The following COLEC12 variants were observed in gnomAD, a reference collection of about 807,000 sequenced individuals.
COLEC12 encodes collectin-12.
A neutral mutation model predicts 71.1 loss-of-function variants in COLEC12; 33 were observed. The ratio of observed to expected loss-of-function variants is 0.46; its 90% CI spans 0.35 to 0.62. COLEC12 has a LOEUF of 0.62. Ranked by LOEUF, COLEC12 falls within the 20% of genes least tolerant of loss-of-function variation. The probability of loss-of-function intolerance (pLI) is 0.00; values close to 1 mark genes in which losing one functional copy is unlikely to be tolerated. For missense variants in COLEC12, 765 were observed against 916.1 expected (o/e 0.84, Z 2.13); for synonymous variants, 350 against 353.0 (o/e 0.99, Z 0.10).
chr18:348,460 ATTTTAG>A (rs1486937563), intron 3 of COLEC12, among the ~76,000 whole-genome samples: 6 of 152,284 alleles, frequency 3.9e-5, no homozygotes, highest in East Asian at 3.9e-4. Context: ...ATTTTCATGC[ATTTTAG>A]AAGTCCCTAA....
At chr18:366,921 G>A (rs1914868094) in intron 2 of COLEC12, among the ~76,000 whole-genome samples, 7 of 152,210 alleles carry the variant, frequency 4.6e-5, no homozygotes, top group Admixed American at 4.6e-4. Context: ...CTCCCACACA[G>A]CCAAGGCTGA....
At chr18:340,074 CAAA>C (rs60991743) in intron 5 of COLEC12, among the ~76,000 whole-genome samples, 5 of 94,194 alleles carry the variant, frequency 5.3e-5, no homozygotes, top group Admixed American at 1.3e-4. Context: ...TGCCTGAAAG[CAAA>C]AAAAAAAAAA....
At chr18:336,167 C>T (rs1403757004) in intron 5 of COLEC12, among the ~76,000 whole-genome samples, 3 of 152,122 alleles carry the variant, frequency 2.0e-5, no homozygotes, top group Non-Finnish European at 4.4e-5. Context: ...TCTGTTGTAC[C>T]CCAGCTGGCA....
chr18:324,552 G>A (rs2143410891), intron 8 of COLEC12, among the ~76,000 whole-genome samples: 1 of 152,248 alleles, frequency 6.6e-6, no homozygotes, highest in East Asian at 1.9e-4. Flanking sequence ...TTAGAGGCTG[G>A]GCATGGTGGC....
At chr18:344,043 CAATTA>C (rs1198759291) in intron 5 of COLEC12, among the ~76,000 whole-genome samples, 1 of 152,152 alleles carries the variant, frequency 6.6e-6, no homozygotes, top group Non-Finnish European at 1.5e-5. Context: ...GACAAGGTAA[CAATTA>C]AATTAATGAA....
At chr18:454,002 G>T (rs930247890) in intron 2 of COLEC12, among the ~76,000 whole-genome samples, 5 of 152,204 alleles carry the variant, frequency 3.3e-5, no homozygotes, top group African/African-American at 1.2e-4. Context: ...TTAGTCTAGA[G>T]GCACAACCTC....
At chr18:450,955 C>T (rs1356381844) in intron 2 of COLEC12, among the ~76,000 whole-genome samples, 1 of 152,220 alleles carries the variant, frequency 6.6e-6, no homozygotes. Flanking sequence ...CCACACTGTG[C>T]CCCTGCTTTA....
chr18:485,569 TTTTA>T (rs1917503991), intron 1 of COLEC12, among the ~76,000 whole-genome samples: 2 of 152,254 alleles, frequency 1.3e-5, no homozygotes. Flanking sequence ...GAAATGTGAT[TTTTA>T]TTTATCTTTT....
chr18:337,658 C>T (rs1914148747), intron 5 of COLEC12, among the ~76,000 whole-genome samples: 1 of 152,208 alleles, frequency 6.6e-6, no homozygotes, highest in African/African-American at 2.4e-5. Context: ...CTGACCTCTG[C>T]CCACAGCTCC....
At chr18:440,372 CACACAT>C (rs776929325) in intron 2 of COLEC12, among the ~76,000 whole-genome samples, 4,225 of 95,226 alleles carry the variant, frequency 0.044, 168 homozygotes, top group East Asian at 0.2. Context: ...CACACACACA[CACACAT>C]ACACACACAC....
chr18:367,908 G>A (rs1025267251), intron 2 of COLEC12, among the ~76,000 whole-genome samples: 1 of 152,202 alleles, frequency 6.6e-6, no homozygotes, highest in Non-Finnish European at 1.5e-5. Flanking sequence ...GGGCAACACA[G>A]TGAGATGCTG....
rs532534077 is a variant in COLEC12, at chr18:402,315, T to A, written c.59-44793A>T. On this transcript the variant is annotated intron_variant, in intron 2 of 9. Transcript: ENST00000400256. ...AGTAGGCCCATGACCAGTCTGGTTG[T>A]GGGAGGGGACCAATCAGAGGTACTT... 2.1e-3 allele frequency among the ~76,000 whole-genome samples: 324 copies of A among 152,122 alleles called. 1 individual carries two copies. The highest frequency in any genetic ancestry group is 7.5e-3 in the African/African-American group (313 of 41,510).
chr18:499,645 T>G (rs551921982), intron 1 of COLEC12, among the ~76,000 whole-genome samples: 1 of 152,308 alleles, frequency 6.6e-6, no homozygotes, highest in South Asian at 2.1e-4. Context: ...GCGGGCCCAT[T>G]CCTGAACGAC....
chr18:404,019 T>C (rs559075624), intron 2 of COLEC12, among the ~76,000 whole-genome samples: 1 of 152,170 alleles, frequency 6.6e-6, no homozygotes, highest in East Asian at 1.9e-4. Flanking sequence ...TTCTTTAAGG[T>C]AAAATGAAGA....
intron 2 of COLEC12, among the ~76,000 whole-genome samples, chr18:433,980 G>C (rs573421124): frequency 9.5e-6 from 1 of 105,254 alleles, no homozygotes; most frequent in Admixed American, 9.5e-5. Flanking sequence ...AAAAAAAAAA[G>C]GCTAAGAAGA....
intron 5 of COLEC12, among the ~76,000 whole-genome samples, chr18:338,625 TC>T (rs1156465140): frequency 6.6e-6 from 1 of 152,162 alleles, no homozygotes; most frequent in Non-Finnish European, 1.5e-5. Context: ...TTAGTAAAGA[TC>T]GGGAAGGTAG....
chr18:353,517 A>G (rs933725947), intron 3 of COLEC12, among the ~76,000 whole-genome samples: 1 of 152,250 alleles, frequency 6.6e-6, no homozygotes, highest in Non-Finnish European at 1.5e-5. Flanking sequence ...CCTCCAATAA[A>G]GAATCCCTTA....
chr18:422,152 C>T (rs573552087), intron 2 of COLEC12, among the ~76,000 whole-genome samples: 2 of 152,242 alleles, frequency 1.3e-5, no homozygotes, highest in South Asian at 4.2e-4. Flanking sequence ...GTGATTTGTC[C>T]CTTTTCAGTC....
At chr18:321,918 T>A in intron 8 of COLEC12, 111 bp from the exon 9 acceptor site, 1 of 1,075,048 alleles carries the variant, frequency 9.3e-7, no homozygotes, top group Non-Finnish European at 1.3e-6. Flanking sequence ...TCATTTATCC[T>A]GGAATGAAAA....
Sources: allele counts gnomAD v4.1 joint callset (sites outside exome capture counted in the v4.1 genomes callset), GRCh38; gene constraint gnomAD v4.1.1; transcripts MANE v1.5; gene names NCBI Gene and HGNC (gene_info 2026-07-23, HGNC 2026-07-21).